Variants in KIRREL3 observed in about 807,000 individuals in gnomAD.
The protein encoded by KIRREL3 is kin of IRRE-like protein 3.
In KIRREL3, 36 loss-of-function variants were observed where a neutral mutation model predicts 89.7. That is an observed-to-expected ratio of 0.40 (90% CI 0.31 to 0.53). KIRREL3 has a LOEUF of 0.53. Ranked by LOEUF, KIRREL3 falls within the 20% of genes least tolerant of loss-of-function variation. KIRREL3 has a pLI of 0.49. For synonymous variants in KIRREL3, 445 were observed against 441.4 expected, an observed-to-expected ratio of 1.01 and a Z score of -0.10; for missense variants, 864 against 1,056.6, an observed-to-expected ratio of 0.82 and a Z score of 2.53.
In KIRREL3 at chr11:126,519,751, A is replaced by G. The variant is rs1389572339; in HGVS notation, c.433+1564T>C. Among the ~76,000 whole-genome samples, 2 of 152,162 alleles carry G rather than the reference A, an allele frequency of 1.3e-5. No individual in the cohort carries two copies. Among genetic ancestry groups the G allele is most frequent in the South Asian group, 4.1e-4 (2 of 4,830 alleles). On this transcript the variant is annotated intron_variant, in intron 4 of 16. Coordinates refer to ENST00000525144, the MANE Select transcript of KIRREL3 (RefSeq NM_032531.4). The surrounding 1 kb of genome is among the most constrained non-coding windows in gnomAD (Gnocchi z 4.3). Reference sequence around the variant, plus strand: ...AGCAAATCTGTTCTGGCATTTTGCAATCCTCAAAATCAGAAACAATATGAG... The same window carrying G: ...AGCAAATCTGTTCTGGCATTTTGCAGTCCTCAAAATCAGAAACAATATGAG...
chr11:126,681,775 T>G, intron 1 of KIRREL3: 1 of 397,080 alleles, frequency 2.5e-6, no homozygotes, highest in East Asian at 7.3e-5. Flanking sequence ...CATTCTCTTC[T>G]GTTTCAGGGT....
rs1205982046 is a variant in KIRREL3, at chr11:126,475,345, A to G, written c.434-1879T>C. ...GCCCCGTCAGCCCTTCTCCTAGTCC[A>G]CTCCGGCTTCTGTGAAAGCTCCAGG... On this transcript the variant is annotated intron_variant, in intron 4 of 16. Transcript: ENST00000525144. This position sits in a 1 kb window ranked among gnomAD's most constrained non-coding sequence, Gnocchi z 7.5. 6.6e-6 allele frequency among the ~76,000 whole-genome samples: 1 copy of G among 151,086 alleles called. No individual in the cohort carries two copies. The highest frequency in any genetic ancestry group is 1.5e-5 in the Non-Finnish European group (1 of 67,722).
intron 4 of KIRREL3, among the ~76,000 whole-genome samples, chr11:126,505,141 T>C (rs959320563): frequency 2.6e-5 from 4 of 152,258 alleles, no homozygotes; most frequent in Admixed American, 6.5e-5. Flanking sequence ...AGCATTGTAC[T>C]GTAAGTTCTA....
At chr11:126,816,147 G>A (rs1007761663) in intron 1 of KIRREL3, among the ~76,000 whole-genome samples, 11 of 152,160 alleles carry the variant, frequency 7.2e-5, no homozygotes, top group African/African-American at 2.2e-4. Flanking sequence ...GATAATTGCC[G>A]TATTGGAGTC....
intron 1 of KIRREL3, among the ~76,000 whole-genome samples, chr11:126,770,145 TG>T (rs916360779): frequency 9.2e-5 from 14 of 151,750 alleles, no homozygotes; most frequent in African/African-American, 2.7e-4. Context: ...AAGCCTGAGT[TG>T]GGGGGGAATT....
chr11:126,460,476 CAG>C (rs1264716618), intron 6 of KIRREL3, among the ~76,000 whole-genome samples: 1 of 152,162 alleles, frequency 6.6e-6, no homozygotes, highest in African/African-American at 2.4e-5. Flanking sequence ...CAGTAAGTGG[CAG>C]AGAGTTCAAA....
Position 126,492,631 on chromosome 11 carries a change from C to T in KIRREL3, c.434-19165G>A, listed in dbSNP as rs538310665. 6.6e-6 allele frequency among the ~76,000 whole-genome samples: 1 copy of T among 152,258 alleles called. No individual in the cohort carries two copies. The highest frequency in any genetic ancestry group is 2.4e-5 in the African/African-American group (1 of 41,556). On this transcript the variant is annotated intron_variant, in intron 4 of 16. Coordinates refer to ENST00000525144, the MANE Select transcript of KIRREL3 (RefSeq NM_032531.4). This position sits in a 1 kb window ranked among gnomAD's most constrained non-coding sequence, Gnocchi z 4.8. ...TGTTGGAGGGGAACAGCCACCAGGC[C>T]ATTTTTATGACTTCCTATCAAACTT... is the stretch of plus-strand genomic sequence containing the variant.
intron 1 of KIRREL3, among the ~76,000 whole-genome samples, chr11:126,916,315 C>T (rs1225161463): frequency 6.6e-6 from 1 of 152,236 alleles, no homozygotes; most frequent in East Asian, 1.9e-4. Flanking sequence ...ATATCAGAGT[C>T]ACCCAAAGGA....
At chr11:126,681,351 G>A (rs1378874474) in intron 1 of KIRREL3, among the ~76,000 whole-genome samples, 1 of 152,206 alleles carries the variant, frequency 6.6e-6, no homozygotes, top group Non-Finnish European at 1.5e-5. Flanking sequence ...TTGATGTGCA[G>A]GAGACAGAAA....
intron 1 of KIRREL3, among the ~76,000 whole-genome samples, chr11:126,663,595 G>A (rs1355254103): frequency 2.0e-5 from 3 of 152,180 alleles, no homozygotes; most frequent in Non-Finnish European, 2.9e-5. Flanking sequence ...TCATGGAAGC[G>A]TATGCTTCTG....
At chr11:126,828,494 A>C (rs913542766) in intron 1 of KIRREL3, among the ~76,000 whole-genome samples, 4 of 152,188 alleles carry the variant, frequency 2.6e-5, no homozygotes, top group Admixed American at 6.5e-5. Context: ...GGAATTCTAA[A>C]AATGAGTGTG....
chr11:126,670,810 A>G (rs1486220201), intron 1 of KIRREL3, among the ~76,000 whole-genome samples: 2 of 152,248 alleles, frequency 1.3e-5, no homozygotes, highest in East Asian at 1.9e-4. Flanking sequence ...GTGATTTTGT[A>G]GATACAACAA....
In KIRREL3 at chr11:126,908,608, A is replaced by G. The variant is rs1037490915; in HGVS notation, c.55+91847T>C. The stretch of plus-strand genomic sequence containing the variant: ...GGCTATTACTATTGGTATTATCAAG[A>G]AAACTGAAAGTCACAAAAGGTAAGT... On this transcript the variant is annotated intron_variant, in intron 1 of 16. Transcript: ENST00000525144. The surrounding 1 kb of genome is among the most constrained non-coding windows in gnomAD (Gnocchi z 4.2). 6.6e-6 allele frequency among the ~76,000 whole-genome samples: 1 copy of G among 152,262 alleles called. No homozygotes were observed. The highest frequency in any genetic ancestry group is 1.5e-5 in the Non-Finnish European group (1 of 68,048).
In KIRREL3 at chr11:126,484,894, C is replaced by T. The variant is rs376008009; in HGVS notation, c.434-11428G>A. On this transcript the variant is annotated intron_variant, in intron 4 of 16. Transcript: ENST00000525144. This position sits in a 1 kb window ranked among gnomAD's most constrained non-coding sequence, Gnocchi z 5.2. ...GCAATGGCACAATGTAGGCTCACTG[C>T]AGCCTCCGCCTCCCAGGTTCAAGCG... is the stretch of plus-strand genomic sequence containing the variant. Among the ~76,000 whole-genome samples the T allele has an allele frequency of 6.6e-6, 1 of 151,764 alleles. No homozygotes were observed. Among genetic ancestry groups the T allele is most frequent in the Non-Finnish European group, 1.5e-5 (1 of 67,960 alleles).
In KIRREL3 at chr11:126,989,969, CTGTT is replaced by C. The variant is rs1303499261; in HGVS notation, c.55+10482_55+10485del. On this transcript the variant is annotated intron_variant, in intron 1 of 16. Coordinates refer to ENST00000525144, the MANE Select transcript of KIRREL3 (RefSeq NM_032531.4). This position sits in a 1 kb window ranked among gnomAD's most constrained non-coding sequence, Gnocchi z 6.2. ...GAATAATGAAGCCTCATTTTAGCAT[CTGTT>C]TGTTTTGTTTTTTCAGCATTTGCGG... Among the ~76,000 whole-genome samples the C allele has an allele frequency of 1.3e-5, 2 of 152,186 alleles. No homozygotes were observed. The highest frequency in any genetic ancestry group is 2.9e-5 in the Non-Finnish European group (2 of 68,046).
chr11:126,504,958 T>C (rs574559142), intron 4 of KIRREL3, among the ~76,000 whole-genome samples: 24 of 152,338 alleles, frequency 1.6e-4, no homozygotes, highest in African/African-American at 5.8e-4. Context: ...CCCAACACGA[T>C]GTGTAGTAAA....
Position 126,424,926 on chromosome 11 carries a change from G to T in KIRREL3, c.1991C>A (p.Ala664Glu). The T allele has an allele frequency of 1.2e-6, 2 of 1,602,782 alleles. No individual in the cohort carries two copies. Among genetic ancestry groups the T allele is most frequent in the Middle Eastern group, 1.7e-4 (1 of 6,022 alleles). The change falls in exon 17 of 17, where the codon GCG (alanine) becomes GAG (glutamate). Residue 664 changes from alanine to glutamate, a missense_variant. Transcript: ENST00000525144. ...LSSCQPDLRP[A>E]GKQRVPTGMS... is the part of the protein sequence containing the mutation. The stretch of plus-strand genomic sequence containing the variant: ...GCCTGTGGGCACACGCTGCTTGCCC[G>T]CAGGACGCAGGTCGGGCTGGCAGCT...
chr11:126,973,607 CAG>C (rs1949492441), intron 1 of KIRREL3, among the ~76,000 whole-genome samples: 2 of 152,282 alleles, frequency 1.3e-5, no homozygotes, highest in Admixed American at 1.3e-4. Context: ...ATTTAGGAGA[CAG>C]AAAACTCAAC....
intron 1 of KIRREL3, among the ~76,000 whole-genome samples, chr11:126,979,958 C>T (rs1384354814): frequency 6.6e-6 from 1 of 152,156 alleles, no homozygotes; most frequent in Non-Finnish European, 1.5e-5. Flanking sequence ...GAGTTTCTCT[C>T]CTTATAGGAC....
Sources: gnomAD v4.1 joint callset for allele counts (sites outside exome capture counted in the v4.1 genomes callset) on GRCh38, gnomAD v4.1.1 for gene constraint, Gnocchi (gnomAD v3.1) non-coding constraint, MANE v1.5 for transcripts, NCBI Gene and HGNC (gene_info 2026-07-23, HGNC 2026-07-21) for gene names.